LRRC4B: variants seen among roughly 807,000 people sequenced by gnomAD.
LRRC4B encodes leucine-rich repeat-containing protein 4B.
A neutral mutation model predicts 7.3 loss-of-function variants in LRRC4B; 1 was observed. The observed-to-expected ratio is 0.14, with a 90% CI of 0.05 to 0.65. The LOEUF (loss-of-function observed/expected upper bound fraction) is 0.65. Among genes scored for constraint, LRRC4B ranks in the 30% least tolerant of loss-of-function variants. LRRC4B has a pLI of 0.84. For missense variants in LRRC4B, 730 were observed against 1,041.6 expected, an observed-to-expected ratio of 0.70 and a Z score of 4.12; for synonymous variants, 500 against 499.2, an observed-to-expected ratio of 1.00 and a Z score of -0.02.
At chr19:50,546,016 G>T (rs927433167) in intron 2 of LRRC4B, among the ~76,000 whole-genome samples, 5 of 150,914 alleles carry the variant, frequency 3.3e-5, no homozygotes, top group Non-Finnish European at 7.4e-5. Context: ...GAGTCACCGC[G>T]CCAGGCTAAA....
chr19:50,527,267 C>T (rs555869355), intron 2 of LRRC4B, among the ~76,000 whole-genome samples: 2 of 150,556 alleles, frequency 1.3e-5, no homozygotes, highest in South Asian at 2.1e-4. Context: ...CTCCTGACCT[C>T]GTGATCTGCC....
chr19:50,527,281 C>T (rs2122800353), intron 2 of LRRC4B, among the ~76,000 whole-genome samples: 1 of 152,092 alleles, frequency 6.6e-6, no homozygotes, highest in South Asian at 2.1e-4. Flanking sequence ...ATCTGCCCGC[C>T]TCAGCCTCCC....
chr19:50,517,830 G>A lies in LRRC4B; in HGVS notation c.1883C>T (p.Ser628Leu). The change falls in exon 3 of 3, where the codon TCG (serine) becomes TTG (leucine). Residue 628 changes from serine (S) to leucine (L), a missense_variant. By Grantham distance (145) the Ser-to-Leu change is moderately radical. Around this residue, in one of 6 missense-constraint regions of LRRC4B, gnomAD observed 160 missense variants for 163.9 expected, o/e 0.98. Coordinates refer to ENST00000652263, the MANE Select transcript of LRRC4B (RefSeq NM_001080457.2). The surrounding 1 kb of genome is among the most constrained non-coding windows in gnomAD (Gnocchi z 6.6). ...INVEDELPAA[S>L]AVSVAAAAAV... ...GGCCGCGGCGGCCACGGACACGGCC[G>A]AGGCGGCGGGCAGCTCGTCCTCCAC... is the stretch of plus-strand genomic sequence containing the variant. The A allele has an allele frequency of 1.9e-6, 3 of 1,573,914 alleles. No homozygotes were observed. Among genetic ancestry groups the A allele is most frequent in the Non-Finnish European group, 1.7e-6 (2 of 1,164,522 alleles).
In LRRC4B at chr19:50,548,451, G is replaced by T. The variant is rs370585496; in HGVS notation, c.297+91C>A. ...CAGGTGCCGGAGACGGGGAAGCCCC[G>T]GTGTGGGGAGGCCCAGAAGGGATGG... On this transcript the variant is annotated intron_variant, in intron 2 of 2. Transcript: ENST00000652263. This position sits in a 1 kb window ranked among gnomAD's most constrained non-coding sequence, Gnocchi z 6.8. 1.2e-5 allele frequency: 18 copies of T among 1,486,468 alleles called. No homozygotes were observed. The highest frequency in any genetic ancestry group is 6.0e-5 in the Admixed American group (3 of 50,386). The allele number at this position is 1,486,468 out of a possible 1,614,324, so 92.1% of individuals were successfully genotyped here. A position where few individuals can be genotyped will look rare whatever the true frequency, so the allele number is the denominator to read the frequency against.
chr19:50,549,728 C>T (rs1335550926), intron 1 of LRRC4B, among the ~76,000 whole-genome samples: 3 of 152,268 alleles, frequency 2.0e-5, no homozygotes, highest in Admixed American at 6.5e-5. Flanking sequence ...GGGGACCTGA[C>T]GGGGGGCGGC....
At chr19:50,552,873 C>A (rs1982149672) in intron 1 of LRRC4B, among the ~76,000 whole-genome samples, 1 of 152,204 alleles carries the variant, frequency 6.6e-6, no homozygotes, top group Non-Finnish European at 1.5e-5. Flanking sequence ...ACCCATGGGC[C>A]ACAAAAGGCA....
chr19:50,558,226 C>CACACACAT (rs781540537), intron 1 of LRRC4B, among the ~76,000 whole-genome samples: 1 of 145,376 alleles, frequency 6.9e-6, no homozygotes. Flanking sequence ...CACACACACA[C>CACACACAT]ATACACACAC....
intron 1 of LRRC4B, among the ~76,000 whole-genome samples, chr19:50,552,247 C>T (rs959139439): frequency 2.7e-5 from 4 of 148,824 alleles, no homozygotes; most frequent in Non-Finnish European, 4.5e-5. Context: ...CACAATCTTG[C>T]CCAGCGTTTT....
intron 2 of LRRC4B, among the ~76,000 whole-genome samples, chr19:50,520,705 G>C (rs181426088): frequency 1.3e-5 from 2 of 152,126 alleles, no homozygotes; most frequent in East Asian, 3.9e-4. Context: ...GGGAGGCCAA[G>C]GTGAGAGGAT....
chr19:50,527,927 G>A (rs1980889970), intron 2 of LRRC4B, among the ~76,000 whole-genome samples: 1 of 151,508 alleles, frequency 6.6e-6, no homozygotes, highest in African/African-American at 2.4e-5. Flanking sequence ...ATTTTTAGTA[G>A]AGACGGGGTT....
chr19:50,548,549 C>G lies in LRRC4B; in HGVS notation c.290G>C (p.Gly97Ala). The G allele has an allele frequency of 1.3e-6, 2 of 1,595,750 alleles. No homozygotes were observed. The highest frequency in any genetic ancestry group is 1.7e-6 in the Non-Finnish European group (2 of 1,177,362). Residue 97 changes from glycine to alanine, a missense_variant, in exon 2 of 3, where the codon GGC (glycine) becomes GCC (alanine). Gly to Ala is a moderately conservative substitution (Grantham distance 60). Transcript: ENST00000652263. This position sits in a 1 kb window ranked among gnomAD's most constrained non-coding sequence, Gnocchi z 6.8. The stretch of plus-strand genomic sequence containing the variant: ...CCCGCTGGCCCCGCATACCTGGATG[C>G]CGTTCTCTTGCAGGTTCAGGTACCG... ...NTRYLNLQENGIQVIRTDTFK... is the reference protein window; with the variant it reads ...NTRYLNLQENAIQVIRTDTFK...
At chr19:50,526,640 C>T (rs1409756680) in intron 2 of LRRC4B, among the ~76,000 whole-genome samples, 1 of 152,058 alleles carries the variant, frequency 6.6e-6, no homozygotes, top group Admixed American at 6.5e-5. Flanking sequence ...GTCAGGAGTT[C>T]CAGACTAGCC....
chr19:50,560,465 A>G (rs1982426945), intron 1 of LRRC4B, among the ~76,000 whole-genome samples: 1 of 152,176 alleles, frequency 6.6e-6, no homozygotes, highest in Non-Finnish European at 1.5e-5. Flanking sequence ...GTAGGTGGGG[A>G]AGGTCTGATA....
rs915078876 is a variant in LRRC4B at position 50,553,553 on chromosome 19, G to A, written c.-35-4680C>T. Among the ~76,000 whole-genome samples, 43 of 152,274 alleles carry A rather than the reference G, an allele frequency of 2.8e-4. No homozygotes were observed. The highest frequency in any genetic ancestry group is 9.1e-4 in the African/African-American group (38 of 41,556). ...TCTTGCCCTGCTCTCTATCAGGTCC[G>A]TGCTCCAATGCTACCTTCTCAGTGA... On this transcript the variant is annotated intron_variant, in intron 1 of 2. Transcript: ENST00000652263. The surrounding 1 kb of genome is among the most constrained non-coding windows in gnomAD (Gnocchi z 4.2).
At chr19:50,552,631 T>TCCGC (rs1568733932) in intron 1 of LRRC4B, among the ~76,000 whole-genome samples, 43 of 108,478 alleles carry the variant, frequency 4.0e-4, no homozygotes, top group Non-Finnish European at 4.8e-4. Flanking sequence ...CATCCATTCA[T>TCCGC]CCATCCGCCC....
chr19:50,546,019 A>T (rs1981790005), intron 2 of LRRC4B, among the ~76,000 whole-genome samples: 1 of 150,456 alleles, frequency 6.6e-6, no homozygotes, highest in Non-Finnish European at 1.5e-5. Flanking sequence ...TCACCGCGCC[A>T]GGCTAAAAGT....
rs997090143 is a variant in LRRC4B, at chr19:50,541,561, C to G, written c.297+6981G>C. 2.6e-5 allele frequency among the ~76,000 whole-genome samples: 4 copies of G among 152,022 alleles called. No individual in the cohort carries two copies. The East Asian group carries it at 7.7e-4, about 29-fold the overall frequency. On this transcript the variant is annotated intron_variant, in intron 2 of 2. Coordinates refer to ENST00000652263, the MANE Select transcript of LRRC4B (RefSeq NM_001080457.2). ...GAGGCTACTTCTAAACGTTGGTAGT[C>G]GGGCCATCCTTAAACACAACTCTTT...
In LRRC4B at chr19:50,548,882, G is replaced by T. The variant is rs1003628920; in HGVS notation, c.-35-9C>A. On this transcript the variant is annotated splice_polypyrimidine_tract_variant and intron_variant, in intron 1 of 2. Coordinates refer to ENST00000652263, the MANE Select transcript of LRRC4B (RefSeq NM_001080457.2). The surrounding 1 kb of genome is among the most constrained non-coding windows in gnomAD (Gnocchi z 6.8). ...GCGTGGACGCTGGGGGGCTGTGGGT[G>T]GGGGAGAGAAGGGGGAGAGGCTTGG... 11 of 1,320,938 alleles carry T rather than the reference G, an allele frequency of 8.3e-6. No individual in the cohort carries two copies. The highest frequency in any genetic ancestry group is 2.8e-5 in the Admixed American group (1 of 35,638). The allele number at this position is 1,320,938 out of a possible 1,614,324, so 81.8% of individuals were successfully genotyped here.
In LRRC4B at chr19:50,556,031, C is replaced by A. The variant is rs184741504; in HGVS notation, c.-35-7158G>T. On this transcript the variant is annotated intron_variant, in intron 1 of 2. Coordinates refer to ENST00000652263, the MANE Select transcript of LRRC4B (RefSeq NM_001080457.2). This position sits in a 1 kb window ranked among gnomAD's most constrained non-coding sequence, Gnocchi z 4.2. Reference sequence around the variant, plus strand: ...GGACAGGCAGCGCTGGCGTTCTGAGCCAATCCATGTCCTGAATGCTTTCAA... The same window carrying A: ...GGACAGGCAGCGCTGGCGTTCTGAGACAATCCATGTCCTGAATGCTTTCAA... 2.6e-4 allele frequency among the ~76,000 whole-genome samples: 40 copies of A among 152,228 alleles called. No individual in the cohort carries two copies. The highest frequency in any genetic ancestry group is 9.6e-4 in the African/African-American group (40 of 41,532).
Sources: gnomAD v4.1 joint callset for allele counts (sites outside exome capture counted in the v4.1 genomes callset) on GRCh38, gnomAD v4.1.1 for gene constraint, gnomAD v4.1.1 regional missense constraint, Gnocchi (gnomAD v3.1) non-coding constraint, MANE v1.5 for transcripts, NCBI Gene and HGNC (gene_info 2026-07-23, HGNC 2026-07-21) for gene names.